The following ESRP1 variants were observed in gnomAD, a reference collection of about 807,000 sequenced individuals.
The protein encoded by ESRP1 is RNA-binding motif protein 35A.
Under a neutral mutation model 81.7 loss-of-function variants are expected in ESRP1, and 33 were observed. That is an observed-to-expected ratio of 0.40 (90% CI 0.31 to 0.54). The LOEUF (loss-of-function observed/expected upper bound fraction) is 0.54, where lower values mean the gene tolerates loss of function less well. ESRP1 is among the 20% of genes least tolerant of loss of function. The probability of loss-of-function intolerance (pLI) is 0.41; values close to 1 mark genes in which losing one functional copy is unlikely to be tolerated. For missense variants in ESRP1, 672 were observed against 833.1 expected (o/e 0.81, Z 2.38); for synonymous variants, 320 against 303.3 (o/e 1.06, Z -0.57).
intron 12 of ESRP1, among the ~76,000 whole-genome samples, chr8:94,675,447 A>G (rs554731428): frequency 1.3e-5 from 2 of 152,308 alleles, no homozygotes; most frequent in Admixed American, 6.5e-5. Context: ...TAGAACATTC[A>G]GTGGGGCTTA....
chr8:94,650,419 A>AG (rs1274853948), intron 4 of ESRP1, among the ~76,000 whole-genome samples: 24 of 152,130 alleles, frequency 1.6e-4, no homozygotes, highest in African/African-American at 5.8e-4. Context: ...CTTTTCCAGG[A>AG]GGTCATATAG....
At chr8:94,675,798 C>T (rs78856660) in intron 12 of ESRP1, among the ~76,000 whole-genome samples, 23,474 of 152,052 alleles carry the variant, frequency 0.15, 2,312 homozygotes, top group Non-Finnish European at 0.22. Flanking sequence ...CATTTTTACC[C>T]ATTTTTCCTC....
At chr8:94,652,479 G>GTTT (rs11390715) in intron 4 of ESRP1, among the ~76,000 whole-genome samples, 25 of 146,642 alleles carry the variant, frequency 1.7e-4, no homozygotes, top group African/African-American at 5.7e-4. Context: ...GGCTTCTGTG[G>GTTT]TTTTTTTTTT....
At position 94,693,054 on chromosome 8, in the gene ESRP1, A is replaced by G. The variant is rs1809468433; in HGVS notation, c.1971+227A>G. Among the ~76,000 whole-genome samples the G allele has an allele frequency of 2.0e-5, 3 of 152,274 alleles. No individual in the cohort carries two copies. In the South Asian group the frequency reaches 6.2e-4, roughly 32 times the overall value. The stretch of plus-strand genomic sequence containing the variant: ...TTTCCATGCTGTCTTAAGTCTTCCA[A>G]CTTAATCTGTTGGTTATTTTTTGAA... On this transcript the variant is annotated intron_variant, in intron 14 of 15. Transcript: ENST00000433389.
intron 4 of ESRP1, among the ~76,000 whole-genome samples, chr8:94,650,098 C>A (rs1481348617): frequency 1.3e-5 from 2 of 152,154 alleles, no homozygotes; most frequent in Non-Finnish European, 2.9e-5. Context: ...GATGAGCCTA[C>A]ATTGACATGT....
chr8:94,666,923 C>G (rs1819043902), intron 9 of ESRP1, among the ~76,000 whole-genome samples: 1 of 152,198 alleles, frequency 6.6e-6, no homozygotes, highest in Admixed American at 6.5e-5. Context: ...CTATTAGGGG[C>G]TGGGCTTGGT....
chr8:94,662,081 CCT>C (rs1214716714), intron 4 of ESRP1, among the ~76,000 whole-genome samples, 189 bp from the exon 5 acceptor site: 1 of 152,100 alleles, frequency 6.6e-6, no homozygotes, highest in African/African-American at 2.4e-5. Context: ...GATTGATTTG[CCT>C]CTTTTACCCA....
chr8:94,697,204 A>T (rs572525104), intron 15 of ESRP1, among the ~76,000 whole-genome samples: 7 of 152,208 alleles, frequency 4.6e-5, no homozygotes, highest in Non-Finnish European at 1.0e-4. Context: ...CCCTTTGGAC[A>T]TTAATTTACT....
intron 13 of ESRP1, among the ~76,000 whole-genome samples, chr8:94,682,125 A>G (rs914149198): frequency 3.9e-5 from 6 of 152,108 alleles, no homozygotes; most frequent in Admixed American, 3.3e-4. Flanking sequence ...AGGGCTTTCT[A>G]TTTGGGTCCT....
At chr8:94,679,598 G>T (rs11993311) in intron 13 of ESRP1, among the ~76,000 whole-genome samples, 2,193 of 152,278 alleles carry the variant, frequency 0.014, 48 homozygotes, top group African/African-American at 0.05. Flanking sequence ...AAGGCAGAAG[G>T]AACTGACATT....
At chr8:94,641,650 A>T (rs1817596762) in intron 1 of ESRP1, 200 bp downstream of exon 1, 6 of 779,726 alleles carry the variant, frequency 7.7e-6, no homozygotes, top group Non-Finnish European at 1.2e-5. Context: ...GTCCTCCGCA[A>T]CTTAGCTCAG....
chr8:94,647,106 A>C (rs1037306272), intron 4 of ESRP1, among the ~76,000 whole-genome samples: 5 of 152,200 alleles, frequency 3.3e-5, no homozygotes, highest in African/African-American at 1.2e-4. Context: ...ATTTTCAGGA[A>C]TTAAAACCTG....
chr8:94,657,472 C>CGTGCGTGTGTGTGT (rs1554576341), intron 4 of ESRP1, among the ~76,000 whole-genome samples: 2 of 146,156 alleles, frequency 1.4e-5, no homozygotes, highest in African/African-American at 5.1e-5. Flanking sequence ...AGGCTGTGTG[C>CGTGCGTGTGTGTGT]GTGTGTGTGT....
chr8:94,644,121 CTA>C (rs1817737383), intron 3 of ESRP1, among the ~76,000 whole-genome samples: 1 of 152,084 alleles, frequency 6.6e-6, no homozygotes, highest in Non-Finnish European at 1.5e-5. Context: ...TACAGTCTTA[CTA>C]TAGGTAAAAT....
rs897024960 is a variant in ESRP1 at position 94,669,897 on chromosome 8, T to A, written c.1234-1556T>A. Among the ~76,000 whole-genome samples the A allele has an allele frequency of 1.7e-4, 25 of 148,916 alleles. 1 individual carries two copies. The highest frequency in any genetic ancestry group is 3.5e-3 in the Middle Eastern group (1 of 286). On this transcript the variant is annotated intron_variant, in intron 10 of 15. Transcript: ENST00000433389. Reference sequence around the variant, plus strand: ...ACCAAAAAAAAAAAAAAAAAAAAAATTTATACCTTTTTGAAAATGTCATAA... The same window carrying A: ...ACCAAAAAAAAAAAAAAAAAAAAAAATTATACCTTTTTGAAAATGTCATAA...
rs371927093 is a variant in ESRP1, at chr8:94,695,054, C to T, written c.1972-1798C>T. On this transcript the variant is annotated intron_variant, in intron 14 of 15. Transcript: ENST00000433389. ...CTTACATAAAACGTGTATTTTCTACCGTCTTGAAGAGTACATGCCTTCTTG... is the reference window on the plus strand; with the variant it reads ...CTTACATAAAACGTGTATTTTCTACTGTCTTGAAGAGTACATGCCTTCTTG... Among the ~76,000 whole-genome samples, 31 of 152,224 alleles carry T rather than the reference C, an allele frequency of 2.0e-4. No individual in the cohort carries two copies. In the East Asian group the frequency reaches 2.1e-3, roughly 10 times the overall value.
At chr8:94,644,991 C>T (rs1278659788) in intron 3 of ESRP1, among the ~76,000 whole-genome samples, 2 of 152,200 alleles carry the variant, frequency 1.3e-5, no homozygotes, top group Non-Finnish European at 2.9e-5. Context: ...AGAACATCAA[C>T]ATTGTTATAA....
At chr8:94,696,346 T>C (rs1400082632) in intron 14 of ESRP1, among the ~76,000 whole-genome samples, 2 of 152,256 alleles carry the variant, frequency 1.3e-5, no homozygotes, top group African/African-American at 4.8e-5. Context: ...TTTGTTTCTC[T>C]TCAAGTACTG....
rs776450938 is a variant in ESRP1 at position 94,671,487 on chromosome 8, C to T, written c.1268C>T (p.Pro423Leu). ...CGATTCTCCTCGGCCCCTCTCATTC[C>T]ACTTCCAACCCCTCCCATTATTCCA... ...LNRFSSAPLIPLPTPPIIPVL... is the reference protein window; with the variant it reads ...LNRFSSAPLILLPTPPIIPVL... Residue 423 changes from proline (P) to leucine (L), a missense_variant, in exon 11 of 16, where the codon CCA becomes CTA. Transcript: ENST00000433389. 6.2e-7 allele frequency: 1 copy of T among 1,613,582 alleles called. No homozygotes were observed.
Sources: gnomAD v4.1 joint callset for allele counts (sites outside exome capture counted in the v4.1 genomes callset) on GRCh38, gnomAD v4.1.1 for gene constraint, MANE v1.5 for transcripts, NCBI Gene and HGNC (gene_info 2026-07-23, HGNC 2026-07-21) for gene names.